SRGAP1: variants seen among roughly 807,000 people sequenced by gnomAD.
SRGAP1 encodes the protein SLIT-ROBO Rho GTPase-activating protein 1.
SRGAP1 carries 43 observed loss-of-function variants against 121.9 expected under a neutral mutation model. The observed-to-expected ratio is 0.35, with a 90% confidence interval of 0.28 to 0.46. The LOEUF is 0.46. Ranked by LOEUF, SRGAP1 falls within the 20% of genes least tolerant of loss-of-function variation. The pLI is 1.00. For synonymous variants in SRGAP1, 447 were observed against 485.4 expected (o/e 0.92, Z 1.04); for missense variants, 1,102 against 1,350.9 (o/e 0.82, Z 2.89).
chr12:63,958,725 A>G (rs1470351307), intron 1 of SRGAP1, among the ~76,000 whole-genome samples: 2 of 152,222 alleles, frequency 1.3e-5, no homozygotes, highest in South Asian at 2.1e-4. Flanking sequence ...CTTTGAAAAA[A>G]CAAAATCCCA....
In SRGAP1 at chr12:64,082,558, C is replaced by T. The variant is rs141704665; in HGVS notation, c.1408+2188C>T. ...CTCCACCTCCCAGGTTTAAGTGATT[C>T]TCCAGCCTTGCCTGCTGAGTAGCTG... is the stretch of plus-strand genomic sequence containing the variant. On this transcript the variant is annotated intron_variant, in intron 10 of 21. Coordinates refer to ENST00000355086, the MANE Select transcript of SRGAP1 (RefSeq NM_020762.4). Among the ~76,000 whole-genome samples the T allele has an allele frequency of 3.0e-3, 461 of 151,426 alleles. 3 individuals are homozygous for T. The highest frequency in any genetic ancestry group is 0.01 in the African/African-American group (421 of 41,242).
At chr12:64,102,624 T>C (rs139834664) in intron 15 of SRGAP1, among the ~76,000 whole-genome samples, 123 of 152,358 alleles carry the variant, frequency 8.1e-4, no homozygotes, top group African/African-American at 2.8e-3. Flanking sequence ...TCCGTCTCTA[T>C]AGATTTGCCT....
chr12:64,119,478 T>C (rs2036571157), intron 18 of SRGAP1, among the ~76,000 whole-genome samples: 1 of 152,198 alleles, frequency 6.6e-6, no homozygotes, highest in Non-Finnish European at 1.5e-5. Context: ...AGAATTAATA[T>C]CGTTACAATA....
At chr12:63,917,370 G>C (rs1592944116) in intron 1 of SRGAP1, among the ~76,000 whole-genome samples, 1 of 152,132 alleles carries the variant, frequency 6.6e-6, no homozygotes, top group African/African-American at 2.4e-5. Context: ...AAGACAGTAT[G>C]GTCCATTAGA....
In SRGAP1 at chr12:64,142,765, G is replaced by A. The variant is rs2036987464; in HGVS notation, c.*93G>A. 1.3e-6 allele frequency: 2 copies of A among 1,499,180 alleles called. No individual in the cohort carries two copies. Among genetic ancestry groups the A allele is most frequent in the Admixed American group, 2.3e-5 (1 of 44,260 alleles). The allele number at this position is 1,499,180 out of a possible 1,614,324, so 92.9% of individuals were successfully genotyped here. A position where few individuals can be genotyped will look rare whatever the true frequency, so the allele number is the denominator to read the frequency against. On this transcript the variant is annotated 3_prime_UTR_variant, in exon 22 of 22. Coordinates refer to ENST00000355086, the MANE Select transcript of SRGAP1 (RefSeq NM_020762.4). ...CTGATCCATAACTTTCCTTAGTTTTGTGCTTATAACTGGAGATCTTTTGGC... is the reference window on the plus strand; with the variant it reads ...CTGATCCATAACTTTCCTTAGTTTTATGCTTATAACTGGAGATCTTTTGGC...
chr12:64,107,772 T>C (rs189306584), intron 15 of SRGAP1, among the ~76,000 whole-genome samples: 2 of 152,296 alleles, frequency 1.3e-5, no homozygotes, highest in East Asian at 3.9e-4. Context: ...TATAAAAGTA[T>C]AGGAAGCTTC....
chr12:63,860,662 G>T (rs1008132729), intron 1 of SRGAP1, among the ~76,000 whole-genome samples: 24 of 152,192 alleles, frequency 1.6e-4, no homozygotes, highest in Middle Eastern at 3.4e-3. Context: ...AAATGTCTGT[G>T]TATATATTCT....
At chr12:63,902,540 A>G (rs1261527339) in intron 1 of SRGAP1, among the ~76,000 whole-genome samples, 1 of 152,194 alleles carries the variant, frequency 6.6e-6, no homozygotes, top group Non-Finnish European at 1.5e-5. Flanking sequence ...CTATTCAGAG[A>G]GACTGGAGGC....
At chr12:63,860,084 C>T (rs1314019347) in intron 1 of SRGAP1, among the ~76,000 whole-genome samples, 1 of 152,168 alleles carries the variant, frequency 6.6e-6, no homozygotes, top group Non-Finnish European at 1.5e-5. Context: ...TGGTTCACTG[C>T]AACCTCTGCC....
At chr12:63,984,967 G>GATTGCAACACTGCACTCCAGGCTGGGCA (rs2033374094) in intron 2 of SRGAP1, among the ~76,000 whole-genome samples, 1 of 147,468 alleles carries the variant, frequency 6.8e-6, no homozygotes, top group Non-Finnish European at 1.5e-5. Flanking sequence ...AGTGAGCTGA[G>GATTGCAACACTGCACTCCAGGCTGGGCA]ATTGCAACAC....
At chr12:63,991,503 C>G (rs1204127094) in intron 3 of SRGAP1, among the ~76,000 whole-genome samples, 1 of 152,058 alleles carries the variant, frequency 6.6e-6, no homozygotes, top group Non-Finnish European at 1.5e-5. Context: ...AAGGAGCATA[C>G]AATTTAAGAA....
chr12:64,006,051 G>C (rs73317377), intron 3 of SRGAP1, among the ~76,000 whole-genome samples: 24 of 152,138 alleles, frequency 1.6e-4, no homozygotes, highest in African/African-American at 5.8e-4. Flanking sequence ...ATTGGTAACT[G>C]CTCTTAGATA....
intron 1 of SRGAP1, among the ~76,000 whole-genome samples, chr12:63,949,743 A>G (rs1292619461): frequency 6.6e-6 from 1 of 152,156 alleles, no homozygotes; most frequent in Non-Finnish European, 1.5e-5. Flanking sequence ...GGTAGAGCAC[A>G]TATGTGGAAT....
intron 15 of SRGAP1, among the ~76,000 whole-genome samples, chr12:64,103,392 CT>C (rs2036290083): frequency 3.9e-5 from 6 of 152,256 alleles, no homozygotes; most frequent in Admixed American, 2.6e-4. Context: ...ATAATGATTT[CT>C]ATTTTATGTA....
chr12:64,036,839 T>G (rs968546123), intron 4 of SRGAP1, among the ~76,000 whole-genome samples: 1 of 152,236 alleles, frequency 6.6e-6, no homozygotes, highest in Non-Finnish European at 1.5e-5. Context: ...CTTCATTTGA[T>G]TCTCACCTAT....
intron 8 of SRGAP1, among the ~76,000 whole-genome samples, chr12:64,068,204 G>A (rs776971063): frequency 3.0e-4 from 45 of 149,286 alleles, no homozygotes; most frequent in Non-Finnish European, 2.8e-4. Flanking sequence ...ACTTGAACCC[G>A]GGAGATTGCA....
chr12:63,851,738 T>C (rs1256500240), intron 1 of SRGAP1, among the ~76,000 whole-genome samples: 1 of 151,858 alleles, frequency 6.6e-6, no homozygotes, highest in Non-Finnish European at 1.5e-5. Context: ...CTAATTTTTT[T>C]GTATTTTTGG....
intron 1 of SRGAP1, among the ~76,000 whole-genome samples, chr12:63,972,130 G>T (rs867884225): frequency 2.2e-4 from 33 of 152,312 alleles, no homozygotes; most frequent in African/African-American, 7.9e-4. Flanking sequence ...GAGGTGGGAG[G>T]ATTGCTTGAG....
At chr12:63,921,060 C>T (rs1013971552) in intron 1 of SRGAP1, among the ~76,000 whole-genome samples, 2 of 152,116 alleles carry the variant, frequency 1.3e-5, no homozygotes, top group African/African-American at 4.8e-5. Context: ...AGTGGTGGCC[C>T]ATCCATCTGG....
Sources: allele counts gnomAD v4.1 joint callset (sites outside exome capture counted in the v4.1 genomes callset), GRCh38; gene constraint gnomAD v4.1.1; transcripts MANE v1.5; gene names NCBI Gene and HGNC (gene_info 2026-07-23, HGNC 2026-07-21).